AOPEP: variants seen among roughly 807,000 people sequenced by gnomAD.
The protein encoded by AOPEP is aminopeptidase O (putative).
A neutral mutation model predicts 98.1 loss-of-function variants in AOPEP; 77 were observed. The ratio of observed to expected loss-of-function variants is 0.78; its 90% CI spans 0.65 to 0.95. The LOEUF is 0.95. AOPEP is among the 40% of genes least tolerant of loss of function. AOPEP has a pLI of 0.00. For missense variants in AOPEP, 1,024 were observed against 1,024.7 expected, an observed-to-expected ratio of 1.00 and a Z score of 0.01; for synonymous variants, 346 against 365.3, an observed-to-expected ratio of 0.95 and a Z score of 0.60.
At chr9:94,856,364 G>C (rs933795226) in intron 5 of AOPEP, among the ~76,000 whole-genome samples, 7 of 152,096 alleles carry the variant, frequency 4.6e-5, no homozygotes, top group Admixed American at 4.6e-4. Context: ...GCAGAAGGCC[G>C]GGTGCGGTGG....
At chr9:95,085,849 T>C (rs536494971) in intron 16 of AOPEP, 20 of 1,137,440 alleles carry the variant, frequency 1.8e-5, no homozygotes, top group Admixed American at 3.7e-5. Flanking sequence ...TGGTAGCTCA[T>C]GGCTGTGAGC....
chr9:94,775,752 A>G (rs1033129848), intron 3 of AOPEP, among the ~76,000 whole-genome samples: 30 of 152,182 alleles, frequency 2.0e-4, no homozygotes, highest in African/African-American at 7.0e-4. Context: ...AGGTGGGCGG[A>G]TCATGATATC....
chr9:95,028,162 A>G (rs1401667981), intron 13 of AOPEP, among the ~76,000 whole-genome samples: 1 of 152,236 alleles, frequency 6.6e-6, no homozygotes, highest in Non-Finnish European at 1.5e-5. Context: ...GAAAATAGTG[A>G]CAGAGATGAT....
intron 9 of AOPEP, among the ~76,000 whole-genome samples, chr9:94,961,090 G>A (rs1459627460): frequency 6.6e-6 from 1 of 151,582 alleles, no homozygotes; most frequent in Non-Finnish European, 1.5e-5. Flanking sequence ...ATATTCTTGG[G>A]TCACATTTTC....
chr9:94,820,235 C>T (rs2119954), intron 5 of AOPEP, among the ~76,000 whole-genome samples: 129,647 of 152,114 alleles, frequency 0.85, 55,451 homozygotes, highest in Non-Finnish European at 0.89. Context: ...TGTGAGCCAC[C>T]GCGCCTGGCC....
At chr9:95,041,446 G>GGGGTGTGTGTGT (rs1554813291) in intron 13 of AOPEP, among the ~76,000 whole-genome samples, 2 of 142,012 alleles carry the variant, frequency 1.4e-5, no homozygotes, top group East Asian at 2.1e-4. Context: ...AGTCCTTGGG[G>GGGGTGTGTGTGT]GTGTGTGTGT....
intron 16 of AOPEP, chr9:95,085,273 G>A: frequency 2.1e-6 from 1 of 485,948 alleles, no homozygotes; most frequent in South Asian, 1.5e-5. Context: ...AAATCACATT[G>A]CCAGGGATTA....
At chr9:95,149,954 A>G in the AOPEP span, 1 of 1,610,852 alleles carries the variant, frequency 6.2e-7, no homozygotes, top group Non-Finnish European at 8.5e-7. Flanking sequence ...GCCTCAAAGA[A>G]CTCTGGCTGG....
At chr9:94,955,322 C>A in intron 8 of AOPEP, 43 bp downstream of exon 8, 1 of 1,244,472 alleles carries the variant, frequency 8.0e-7, no homozygotes, top group Non-Finnish European at 1.2e-6. Context: ...TGTGGTGCAG[C>A]ACTTTTTAGG....
intron 13 of AOPEP, among the ~76,000 whole-genome samples, chr9:95,012,107 A>G (rs1168656569): frequency 6.6e-6 from 1 of 152,250 alleles, no homozygotes; most frequent in African/African-American, 2.4e-5. Flanking sequence ...AGGATGTTGT[A>G]GAGTGCATCA....
intron 14 of AOPEP, among the ~76,000 whole-genome samples, chr9:95,073,852 G>A (rs1424537759): frequency 6.6e-6 from 1 of 152,060 alleles, no homozygotes; most frequent in Non-Finnish European, 1.5e-5. Context: ...AGTGAGACTC[G>A]GTCTCAAAAA....
chr9:95,050,635 T>C (rs1001070819), intron 13 of AOPEP, among the ~76,000 whole-genome samples: 1 of 152,246 alleles, frequency 6.6e-6, no homozygotes, highest in African/African-American at 2.4e-5. Flanking sequence ...ACCTCCCCCC[T>C]GCTCCTTAGT....
intron 2 of AOPEP, among the ~76,000 whole-genome samples, chr9:94,771,081 G>A (rs1016113501): frequency 6.6e-6 from 1 of 152,144 alleles, no homozygotes; most frequent in East Asian, 1.9e-4. Flanking sequence ...GCTGATGGAG[G>A]CAGCCTTGGG....
intron 7 of AOPEP, among the ~76,000 whole-genome samples, chr9:94,935,924 G>A (rs1241847932): frequency 6.6e-6 from 1 of 152,172 alleles, no homozygotes; most frequent in African/African-American, 2.4e-5. Flanking sequence ...TGGTGGCACA[G>A]GTCCACCCAC....
chr9:94,807,760 C>T (rs1386845223), intron 5 of AOPEP, among the ~76,000 whole-genome samples: 1 of 152,228 alleles, frequency 6.6e-6, no homozygotes, highest in Non-Finnish European at 1.5e-5. Flanking sequence ...GCAAATACTA[C>T]CAGCTTCTGT....
Position 94,989,385 on chromosome 9 carries a change from G to T in AOPEP, c.1977+9958G>T, listed in dbSNP as rs186876348. On this transcript the variant is annotated intron_variant, in intron 11 of 16. Coordinates refer to ENST00000375315, the MANE Select transcript of AOPEP (RefSeq NM_001193329.3). ...CCAAAGTGCTAGGATTACAGGTGTG[G>T]GCCACCGCGCCCAGCTAATTTTTGT... Among the ~76,000 whole-genome samples, 131 of 151,122 alleles carry T rather than the reference G, an allele frequency of 8.7e-4. 2 individuals are homozygous for T. Among genetic ancestry groups the T allele is most frequent in the African/African-American group, 3.0e-3 (124 of 41,208 alleles).
intron 5 of AOPEP, among the ~76,000 whole-genome samples, chr9:94,840,196 T>G (rs2042113130): frequency 1.3e-5 from 2 of 152,200 alleles, no homozygotes; most frequent in Non-Finnish European, 2.9e-5. Context: ...ACTGAGAAAT[T>G]TTATCATGAA....
At chr9:95,124,486 G>A in the AOPEP span, among the ~76,000 whole-genome samples, 1 of 152,324 alleles carries the variant, frequency 6.6e-6, no homozygotes, top group East Asian at 1.9e-4. Flanking sequence ...ATCTTCTGCA[G>A]GGTGCGGGCC....
chr9:95,022,604 G>T (rs756300207), intron 13 of AOPEP, among the ~76,000 whole-genome samples: 1 of 151,828 alleles, frequency 6.6e-6, no homozygotes, highest in Non-Finnish European at 1.5e-5. Context: ...CTCCCAAAGT[G>T]CTGGGATTAC....
Sources: allele counts gnomAD v4.1 joint callset (sites outside exome capture counted in the v4.1 genomes callset), GRCh38; gene constraint gnomAD v4.1.1; transcripts MANE v1.5; gene names NCBI Gene and HGNC (gene_info 2026-07-23, HGNC 2026-07-21).